CTNNA3: variants seen among roughly 807,000 people sequenced by gnomAD.
The protein encoded by CTNNA3 is catenin alpha 3, also known as catenin alpha-3.
CTNNA3 carries 76 observed loss-of-function variants against 95.7 expected under a neutral mutation model. The observed-to-expected ratio is 0.79, with a 90% CI of 0.66 to 0.96. The LOEUF (loss-of-function observed/expected upper bound fraction) is 0.96. Among genes scored for constraint, CTNNA3 ranks in the 40% least tolerant of loss-of-function variants. The probability of loss-of-function intolerance (pLI) is 0.00; values close to 1 mark genes in which losing one functional copy is unlikely to be tolerated. For synonymous variants in CTNNA3, 431 were observed against 374.4 expected (o/e 1.15, Z -1.74); for missense variants, 1,191 against 1,089.8 (o/e 1.09, Z -1.31).
chr10:67,457,511 TA>T (rs1470387397), intron 5 of CTNNA3, among the ~76,000 whole-genome samples: 1 of 152,156 alleles, frequency 6.6e-6, no homozygotes, highest in Non-Finnish European at 1.5e-5. Context: ...CAAATCAGAA[TA>T]AAAAATATCC....
chr10:67,313,896 A>G (rs1840930765), intron 5 of CTNNA3, among the ~76,000 whole-genome samples: 1 of 152,232 alleles, frequency 6.6e-6, no homozygotes, highest in African/African-American at 2.4e-5. Context: ...TCTATATTAG[A>G]CATGCTGACT....
intron 7 of CTNNA3, among the ~76,000 whole-genome samples, chr10:66,936,797 T>A (rs1256113488): frequency 2.0e-5 from 3 of 152,136 alleles, no homozygotes; most frequent in Non-Finnish European, 4.4e-5. Context: ...TTCTTATGCG[T>A]TATCAAATAT....
intron 5 of CTNNA3, among the ~76,000 whole-genome samples, chr10:67,344,912 G>C (rs1371600670): frequency 6.6e-6 from 1 of 150,884 alleles, no homozygotes; most frequent in African/African-American, 2.4e-5. Flanking sequence ...CACTTTTCCA[G>C]TTCTTTAAAA....
intron 7 of CTNNA3, among the ~76,000 whole-genome samples, chr10:66,811,085 C>T (rs116762756): frequency 0.022 from 3,316 of 152,142 alleles, 54 homozygotes; most frequent in South Asian, 0.052. Flanking sequence ...AACTAAAGGT[C>T]AAAGTCAACA....
chr10:66,161,707 A>C (rs983126267), intron 13 of CTNNA3, among the ~76,000 whole-genome samples: 4 of 152,200 alleles, frequency 2.6e-5, no homozygotes, highest in Non-Finnish European at 5.9e-5. Context: ...TGAATTTCTC[A>C]GGTGTTCTTT....
At chr10:66,446,057 T>C (rs987707988) in intron 11 of CTNNA3, among the ~76,000 whole-genome samples, 2 of 152,004 alleles carry the variant, frequency 1.3e-5, no homozygotes, top group African/African-American at 4.8e-5. Flanking sequence ...TCTAAGCAAA[T>C]AAACTAGAAA....
chr10:66,018,197 C>CACACACACAA (rs1554830407), intron 15 of CTNNA3, among the ~76,000 whole-genome samples: 1 of 148,412 alleles, frequency 6.7e-6, no homozygotes, highest in Non-Finnish European at 1.5e-5. Flanking sequence ...TACACACACA[C>CACACACACAA]ACACACACAC....
intron 5 of CTNNA3, among the ~76,000 whole-genome samples, chr10:67,421,468 T>C (rs1845747561): frequency 2.0e-5 from 3 of 152,190 alleles, no homozygotes; most frequent in African/African-American, 4.8e-5. Flanking sequence ...CAAGTAAACA[T>C]GTCTCAGGTA....
At chr10:66,180,521 G>A (rs911843781) in intron 13 of CTNNA3, among the ~76,000 whole-genome samples, 8 of 152,042 alleles carry the variant, frequency 5.3e-5, no homozygotes, top group African/African-American at 1.9e-4. Flanking sequence ...ATATATATCA[G>A]ATACAAAACC....
At chr10:66,106,512 T>C (rs2081919384) in intron 13 of CTNNA3, among the ~76,000 whole-genome samples, 1 of 152,078 alleles carries the variant, frequency 6.6e-6, no homozygotes, top group Non-Finnish European at 1.5e-5. Flanking sequence ...ATGGGCAATA[T>C]GTGTTCTCTT....
At chr10:66,968,279 T>G (rs1849541512) in intron 7 of CTNNA3, among the ~76,000 whole-genome samples, 1 of 151,382 alleles carries the variant, frequency 6.6e-6, no homozygotes, top group Non-Finnish European at 1.5e-5. Context: ...CAAGAGGCAG[T>G]TTGATTCTAC....
chr10:66,903,820 A>C (rs1198981503), intron 7 of CTNNA3, among the ~76,000 whole-genome samples: 6 of 152,214 alleles, frequency 3.9e-5, no homozygotes, highest in African/African-American at 1.2e-4. Context: ...CCAACTTACA[A>C]GGGATGTGAA....
At chr10:66,194,418 A>G (rs2131893409) in intron 13 of CTNNA3, among the ~76,000 whole-genome samples, 1 of 152,154 alleles carries the variant, frequency 6.6e-6, no homozygotes, top group South Asian at 2.1e-4. Context: ...CGTCTCTACT[A>G]AAAATACAAA....
intron 14 of CTNNA3, among the ~76,000 whole-genome samples, chr10:66,079,520 T>A (rs188493373): frequency 2.0e-5 from 3 of 152,000 alleles, no homozygotes; most frequent in African/African-American, 7.2e-5. Flanking sequence ...TTACTATGTA[T>A]GTATTAAATG....
At chr10:67,663,086 A>G (rs1014969642) in intron 1 of CTNNA3, among the ~76,000 whole-genome samples, 1 of 152,162 alleles carries the variant, frequency 6.6e-6, no homozygotes, top group Non-Finnish European at 1.5e-5. Flanking sequence ...GTCAATTTAC[A>G]GTATTTGGTG....
intron 7 of CTNNA3, among the ~76,000 whole-genome samples, chr10:67,038,228 T>G (rs1281637915): frequency 6.6e-6 from 1 of 152,160 alleles, no homozygotes; most frequent in Admixed American, 6.5e-5. Flanking sequence ...TTATTGTTGT[T>G]GTTGATTAGC....
rs768797369 is a variant in CTNNA3 at position 66,280,579 on chromosome 10, G to T, written c.1775C>A (p.Ala592Asp). 2 of 1,608,118 alleles carry T rather than the reference G, an allele frequency of 1.2e-6. No individual in the cohort carries two copies. The highest frequency in any genetic ancestry group is 8.5e-7 in the Non-Finnish European group (1 of 1,177,354). Residue 592 changes from alanine (A) to aspartate (D), a missense_variant, in exon 13 of 18, where the codon GCC (alanine) becomes GAC (aspartate). Coordinates refer to ENST00000433211, the MANE Select transcript of CTNNA3 (RefSeq NM_013266.4). ...FVTQVNVALE[A>D]LSKSSLNVLD... is the part of the protein sequence containing the mutation. The stretch of plus-strand genomic sequence containing the variant: ...CACATTCAATGAGCTTTTGCTTAAG[G>T]CTTCCAAGGCAACATTCACTTGTGT...
chr10:67,718,950 G>A (rs2133617441), intron 1 of CTNNA3, among the ~76,000 whole-genome samples: 2 of 152,180 alleles, frequency 1.3e-5, no homozygotes, highest in South Asian at 4.2e-4. Context: ...TTTTTGGTTG[G>A]TAGGCTATTA....
chr10:67,333,289 G>A (rs1437705542), intron 5 of CTNNA3, among the ~76,000 whole-genome samples: 1 of 152,114 alleles, frequency 6.6e-6, no homozygotes, highest in Non-Finnish European at 1.5e-5. Flanking sequence ...AAACCTCCCA[G>A]TTGACCCAGA....
Sources: gnomAD v4.1 joint callset for allele counts (sites outside exome capture counted in the v4.1 genomes callset) on GRCh38, gnomAD v4.1.1 for gene constraint, MANE v1.5 for transcripts, NCBI Gene and HGNC (gene_info 2026-07-23, HGNC 2026-07-21) for gene names.